The following SLC1A2 variants were observed in gnomAD, a reference collection of about 807,000 sequenced individuals.
The protein encoded by SLC1A2 is excitatory amino acid transporter 2.
In SLC1A2, 15 loss-of-function variants were observed where a neutral mutation model predicts 48.8. That is an observed-to-expected ratio of 0.31 (90% CI 0.21 to 0.47). The LOEUF (loss-of-function observed/expected upper bound fraction) is 0.47, where lower values mean the gene tolerates loss of function less well. SLC1A2 is among the 20% of genes least tolerant of loss of function. SLC1A2 has a pLI of 0.99. For missense variants in SLC1A2, 502 were observed against 730.5 expected (o/e 0.69, Z 3.61); for synonymous variants, 279 against 272.6 (o/e 1.02, Z -0.23).
chr11:35,333,113 C>T (rs569983792), intron 1 of SLC1A2, among the ~76,000 whole-genome samples: 3 of 152,032 alleles, frequency 2.0e-5, no homozygotes, highest in African/African-American at 7.3e-5. Context: ...AAAAACATAA[C>T]CTTTGGCAGG....
intron 4 of SLC1A2, among the ~76,000 whole-genome samples, chr11:35,307,582 G>T (rs1851551810): frequency 6.6e-6 from 1 of 152,206 alleles, no homozygotes; most frequent in African/African-American, 2.4e-5. Flanking sequence ...CATGTAGTAG[G>T]TAACAGATGG....
intron 1 of SLC1A2, among the ~76,000 whole-genome samples, chr11:35,388,694 T>TCAGAC (rs1854659622): frequency 6.6e-6 from 1 of 152,126 alleles, no homozygotes; most frequent in African/African-American, 2.4e-5. Flanking sequence ...CATGCCCCAC[T>TCAGAC]CAGACATGTT....
chr11:35,364,740 A>T (rs1034641321), intron 1 of SLC1A2, among the ~76,000 whole-genome samples: 3 of 152,214 alleles, frequency 2.0e-5, no homozygotes, highest in African/African-American at 4.8e-5. Context: ...GGTGCCTGGA[A>T]CATCACCTGC....
Position 35,284,110 on chromosome 11 carries a change from T to TATATATATATATATATATATATAA in SLC1A2, c.1286+2646_1286+2647insTTATATATATATATATATATATAT, listed in dbSNP as rs539270363. 1.9e-3 allele frequency among the ~76,000 whole-genome samples: 272 copies of TATATATATATATATATATATATAA among 140,978 alleles called. 2 individuals carry two copies. The highest frequency in any genetic ancestry group is 6.6e-3 in the African/African-American group (240 of 36,120). The allele number at this position is 140,978 out of a possible 152,430, so 92.5% of individuals were successfully genotyped here. ...TATTATATATATATATATATATATA[T>TATATATATATATATATATATATAA]AAATTATTATTTTGCAACCCAACAG... On this transcript the variant is annotated intron_variant, in intron 8 of 10. Coordinates refer to ENST00000278379, the MANE Select transcript of SLC1A2 (RefSeq NM_004171.4).
intron 6 of SLC1A2, chr11:35,298,441 C>T (rs955183381): frequency 6.6e-6 from 1 of 152,026 alleles, no homozygotes; most frequent in African/African-American, 2.4e-5. Context: ...TTTTTTTAAG[C>T]TTTGAGGGGT....
intron 1 of SLC1A2, chr11:35,360,197 G>T: frequency 2.1e-6 from 1 of 474,104 alleles, no homozygotes. Context: ...GTCACAAACT[G>T]TCCTACTGAC....
At position 35,283,243 on chromosome 11, in the gene SLC1A2, A is replaced by G. The variant is rs189088296; in HGVS notation, c.1287-2242T>C. ...CCCTACACTGAAAATTCTATGAATT[A>G]ATAAAAATGCTAAGAATTTCTAATC... On this transcript the variant is annotated intron_variant, in intron 8 of 10. Coordinates refer to ENST00000278379, the MANE Select transcript of SLC1A2 (RefSeq NM_004171.4). Among the ~76,000 whole-genome samples the G allele has an allele frequency of 2.5e-3, 376 of 152,358 alleles. 1 individual carries two copies. Among genetic ancestry groups the G allele is most frequent in the African/African-American group, 8.6e-3 (357 of 41,572 alleles).
chr11:35,397,062 A>G lies in SLC1A2; in HGVS notation c.17+21888T>C, dbSNP rs1854986700. ...ACAAATGGAAGAACATTCCATGCTC[A>G]TGGGTAGGAAGAATCAATATTGTGA... On this transcript the variant is annotated intron_variant, in intron 1 of 10. Coordinates refer to ENST00000278379, the MANE Select transcript of SLC1A2 (RefSeq NM_004171.4). Among the ~76,000 whole-genome samples the G allele has an allele frequency of 4.7e-5, 7 of 148,858 alleles. No homozygotes were observed. The Admixed American group carries it at 4.7e-4, about 10-fold the overall frequency.
rs1950370968 is a variant in SLC1A2, at chr11:35,260,103, T to C, written c.*791A>G. 1 of 152,260 alleles carries C rather than the reference T, an allele frequency of 6.6e-6. No homozygotes were observed. Among genetic ancestry groups the C allele is most frequent in the African/African-American group, 2.4e-5 (1 of 41,468 alleles). 9.4% of individuals were successfully genotyped at this position (152,260 alleles called of 1,614,324 possible). ...TGAATATTTAACTCTGGTTAAACTT[T>C]ATGTTGACTGTGCTCTCTTACTTTT... On this transcript the variant is annotated 3_prime_UTR_variant, in exon 11 of 11. Coordinates refer to ENST00000278379, the MANE Select transcript of SLC1A2 (RefSeq NM_004171.4).
chr11:35,407,889 T>C (rs1855347482), intron 1 of SLC1A2, among the ~76,000 whole-genome samples: 1 of 152,242 alleles, frequency 6.6e-6, no homozygotes, highest in Non-Finnish European at 1.5e-5. Context: ...AGCTTCATGC[T>C]GTGTGCGGGT....
intron 1 of SLC1A2, among the ~76,000 whole-genome samples, chr11:35,413,427 C>T (rs1855523634): frequency 6.6e-6 from 1 of 152,168 alleles, no homozygotes; most frequent in Non-Finnish European, 1.5e-5. Flanking sequence ...CCTGCTGCAT[C>T]ATATTGTTGT....
intron 9 of SLC1A2, among the ~76,000 whole-genome samples, chr11:35,279,228 C>A (rs967403232): frequency 6.6e-6 from 1 of 152,348 alleles, no homozygotes; most frequent in African/African-American, 2.4e-5. Flanking sequence ...GGACAGGAGG[C>A]ATCAGATTAC....
At chr11:35,390,766 AGCGATTCTCCT>A (rs1351069835) in intron 1 of SLC1A2, 2 of 151,720 alleles carry the variant, frequency 1.3e-5, no homozygotes. Context: ...CCCTGGTTCA[AGCGATTCTCCT>A]GCCTCAGTCT....
At chr11:35,278,507 G>A (rs551841620) in intron 9 of SLC1A2, among the ~76,000 whole-genome samples, 14 of 151,854 alleles carry the variant, frequency 9.2e-5, no homozygotes, top group Non-Finnish European at 1.8e-4. Flanking sequence ...TTGAACTCCC[G>A]ACCTCAGGTG....
intron 1 of SLC1A2, among the ~76,000 whole-genome samples, chr11:35,357,256 CAA>C (rs531883065): frequency 3.1e-4 from 30 of 98,130 alleles, no homozygotes; most frequent in Admixed American, 4.5e-4. Flanking sequence ...GACTCTATAT[CAA>C]AAAAAAAAAA....
At chr11:35,420,148 T>TG (rs1262590283), upstream of SLC1A2, 1 of 190,596 alleles carries the variant, frequency 5.2e-6, no homozygotes, top group Non-Finnish European at 1.1e-5. Flanking sequence ...TTTTTTTTTT[T>TG]TTTTTAGGCC....
intron 1 of SLC1A2, among the ~76,000 whole-genome samples, chr11:35,386,000 T>C (rs979347776): frequency 1.3e-5 from 2 of 152,056 alleles, no homozygotes; most frequent in Admixed American, 1.3e-4. Context: ...ACCCCGTCTC[T>C]ACTAAAATAC....
chr11:35,336,854 G>A (rs11033078), intron 1 of SLC1A2, among the ~76,000 whole-genome samples: 15,701 of 152,056 alleles, frequency 0.1, 963 homozygotes, highest in Middle Eastern at 0.15. Flanking sequence ...TTACTCTTTA[G>A]CCCTTTACAG....
chr11:35,292,858 T>C (rs1284825753), intron 6 of SLC1A2, among the ~76,000 whole-genome samples: 1 of 152,176 alleles, frequency 6.6e-6, no homozygotes, highest in Admixed American at 6.5e-5. Flanking sequence ...GAATCTTGTT[T>C]GATTTGTGTT....
Sources: gnomAD v4.1 joint callset for allele counts (sites outside exome capture counted in the v4.1 genomes callset) on GRCh38, gnomAD v4.1.1 for gene constraint, MANE v1.5 for transcripts, NCBI Gene and HGNC (gene_info 2026-07-23, HGNC 2026-07-21) for gene names.